The following PNKP variants were observed in gnomAD, a reference collection of about 807,000 sequenced individuals.
PNKP encodes bifunctional polynucleotide phosphatase/kinase.
Under a neutral mutation model 66.2 loss-of-function variants are expected in PNKP, and 82 were observed. The ratio of observed to expected loss-of-function variants is 1.24; its 90% CI spans 1.04 to 1.49. The LOEUF (loss-of-function observed/expected upper bound fraction) is 1.49. Among genes scored for constraint, PNKP ranks in the 40% most tolerant of loss-of-function variants. The pLI, the probability that PNKP is intolerant of heterozygous loss-of-function variation, is 0.00. For missense variants in PNKP, 907 were observed against 706.8 expected, an observed-to-expected ratio of 1.28 and a Z score of -3.21; for synonymous variants, 412 against 298.9, an observed-to-expected ratio of 1.38 and a Z score of -3.90.
At position 49,862,682 on chromosome 19, in the gene PNKP, G is replaced by A. The variant is rs1484626327; in HGVS notation, c.865+8C>T. 1 of 1,614,072 alleles carries A rather than the reference G, an allele frequency of 6.2e-7. No homozygotes were observed. ...CCAGCCCACCCTCAGCAGCCTCCAG[G>A]CCCTTACCTCCCACAAAGATGCTGT... On this transcript the variant is annotated splice_region_variant and intron_variant, in intron 9 of 16. Transcript: ENST00000322344.
chr19:49,866,971 TC>T, intron 2 of PNKP, 82 bp downstream of exon 2: 1 of 1,391,186 alleles, frequency 7.2e-7, no homozygotes, highest in Non-Finnish European at 1.0e-6. Context: ...ACCACTGCAA[TC>T]CCGCGTAGCA....
In PNKP at chr19:49,864,417, G is replaced by A. The variant is rs372737887; in HGVS notation, c.499-14C>T. The A allele has an allele frequency of 6.2e-6, 10 of 1,605,330 alleles. No individual in the cohort carries two copies. The African/African-American group carries it at 1.1e-4, about 17-fold the overall frequency. ...AAAGCCAGCCACCTGGTGTCACCAA[G>A]GAAAGACAAACAGCAGCACTGTGAT... On this transcript the variant is annotated splice_polypyrimidine_tract_variant and intron_variant, in intron 4 of 16. Coordinates refer to ENST00000322344, the MANE Select transcript of PNKP (RefSeq NM_007254.4).
At chr19:49,862,163 C>T (rs756988139) in intron 12 of PNKP, 22 bp downstream of exon 12, 3 of 1,613,438 alleles carry the variant, frequency 1.9e-6, no homozygotes, top group Admixed American at 3.3e-5. Flanking sequence ...TCAGGGCACG[C>T]GCACAGGAAC....
Position 49,861,216 on chromosome 19 carries a change from A to G in PNKP, c.*32T>C. On this transcript the variant is annotated 3_prime_UTR_variant, in exon 17 of 17. Transcript: ENST00000322344. ...ATGCCGGCCAAGCTCAAGGAGAAAC[A>G]GCGTTTATTGTGGAGGGGAGCTGGG... 1 of 1,423,946 alleles carries G rather than the reference A, an allele frequency of 7.0e-7. No homozygotes were observed. The highest frequency in any genetic ancestry group is 1.4e-5 in the African/African-American group (1 of 71,282). 88.2% of individuals were successfully genotyped at this position (1,423,946 alleles called of 1,614,324 possible).
At chr19:49,863,628 C>T in intron 8 of PNKP, 61 bp downstream of exon 8, 1 of 1,309,590 alleles carries the variant, frequency 7.6e-7, no homozygotes, top group Non-Finnish European at 1.1e-6. Context: ...GGCCGGGGAG[C>T]CCAGGAGTGA....
In PNKP at chr19:49,863,761, C is replaced by G; in HGVS notation, c.745-1G>C. Reference sequence around the variant, plus strand: ...AGCCTGCGTGCGTGGCCACCAGCACCTGTGGATGGGAGGGGGCCACCAGCT... The same window carrying G: ...AGCCTGCGTGCGTGGCCACCAGCACGTGTGGATGGGAGGGGGCCACCAGCT... On this transcript the variant is annotated splice_acceptor_variant, in intron 7 of 16. Coordinates refer to ENST00000322344, the MANE Select transcript of PNKP (RefSeq NM_007254.4). LOFTEE classifies it high-confidence loss of function. The G allele has an allele frequency of 6.4e-7, 1 of 1,558,454 alleles. No homozygotes were observed. The highest frequency in any genetic ancestry group is 8.7e-7 in the Non-Finnish European group (1 of 1,150,398).
chr19:49,862,306 G>A (rs746805831), intron 11 of PNKP, 25 bp from the exon 12 acceptor site: 17 of 1,550,448 alleles, frequency 1.1e-5, no homozygotes, highest in Non-Finnish European at 1.4e-5. Context: ...GGACACGCGT[G>A]AGATGCCGTC....
rs1203126761 is a variant in PNKP at position 49,863,296 on chromosome 19, G to A, written c.816+393C>T. ...TCAGAGGCCATCCCTGCCCACCACGGGTGATGCCTGCTTTCTCCAGCTCCC... is the reference window on the plus strand; with the variant it reads ...TCAGAGGCCATCCCTGCCCACCACGAGTGATGCCTGCTTTCTCCAGCTCCC... On this transcript the variant is annotated intron_variant, in intron 8 of 16. Coordinates refer to ENST00000322344, the MANE Select transcript of PNKP (RefSeq NM_007254.4). Among the ~76,000 whole-genome samples the A allele has an allele frequency of 1.7e-4, 26 of 152,102 alleles. 1 individual carries two copies. The highest frequency in any genetic ancestry group is 1.7e-3 in the Admixed American group (26 of 15,276).
rs368201882 is a variant in PNKP, at chr19:49,862,178, C to T, written c.1126+7G>A. 103 of 1,613,718 alleles carry T rather than the reference C, an allele frequency of 6.4e-5. No homozygotes were observed. The highest frequency in any genetic ancestry group is 8.4e-5 in the Non-Finnish European group (99 of 1,179,788). ...TCAGGGCACGCGCACAGGAACAGGA[C>T]ACTTACCCCCAGGGAATCCCACTGC... On this transcript the variant is annotated splice_region_variant and intron_variant, in intron 12 of 16. Transcript: ENST00000322344.
In PNKP at chr19:49,861,706, A is replaced by G. The variant is rs776421692; in HGVS notation, c.1299-11T>C. On this transcript the variant is annotated splice_polypyrimidine_tract_variant and intron_variant, in intron 14 of 16. Transcript: ENST00000322344. ...GCACACTGGACGTACCTGTGGGGGAAGGAGCTGGATGTGCAGGCCCCGCCC... is the reference window on the plus strand; with the variant it reads ...GCACACTGGACGTACCTGTGGGGGAGGGAGCTGGATGTGCAGGCCCCGCCC... 6.5e-6 allele frequency: 10 copies of G among 1,548,376 alleles called. No individual in the cohort carries two copies. In the South Asian group the frequency reaches 9.5e-5, roughly 15 times the overall value.
intron 8 of PNKP, 23 bp downstream of exon 8, chr19:49,863,666 G>C: frequency 1.3e-6 from 2 of 1,538,720 alleles, no homozygotes; most frequent in Non-Finnish European, 1.8e-6. Flanking sequence ...AAGGAGGGGG[G>C]CCGGGCAGGC....
In PNKP at chr19:49,863,420, C is replaced by T. The variant is rs3739192; in HGVS notation, c.816+269G>A. 5.2e-3 allele frequency among the ~76,000 whole-genome samples: 799 copies of T among 152,378 alleles called. 13 individuals carry two copies. The highest frequency in any genetic ancestry group is 0.042 in the East Asian group (217 of 5,182). ...GAGCAGGCCGTCCCGCTCACTGATA[C>T]CTTCAGCTCAAGAATGCGCTAAACT... On this transcript the variant is annotated intron_variant, in intron 8 of 16. Coordinates refer to ENST00000322344, the MANE Select transcript of PNKP (RefSeq NM_007254.4).
At position 49,862,585 on chromosome 19, in the gene PNKP, A is replaced by T. The variant is rs2074785039; in HGVS notation, c.889T>A (p.Trp297Arg). 6.2e-7 allele frequency: 1 copy of T among 1,613,432 alleles called. No homozygotes were observed. Among genetic ancestry groups the T allele is most frequent in the African/African-American group, 1.3e-5 (1 of 75,016 alleles). The change falls in exon 10 of 17, where the codon TGG (tryptophan) becomes AGG (arginine). Residue 297 changes from tryptophan (W) to arginine (R), a missense_variant. Trp to Arg is a moderately radical substitution (Grantham distance 101). Coordinates refer to ENST00000322344, the MANE Select transcript of PNKP (RefSeq NM_007254.4). ...TCTTTCTTCTTCCGCCCCGGGGCCC[A>T]GTTGGCCGGGCGTCCGGCTGCGTCT... The part of the protein sequence containing the change: ...VGDAAGRPAN[W>R]APGRKKKDFS...
chr19:49,863,924 T>C (rs760754801), intron 7 of PNKP, 40 bp downstream of exon 7: 3 of 1,528,108 alleles, frequency 2.0e-6, no homozygotes, highest in Non-Finnish European at 2.7e-6. Context: ...TCTGGATCTC[T>C]GTGCCCCCAC....
At position 49,862,550 on chromosome 19, in the gene PNKP, G is replaced by C. The variant is rs771622669; in HGVS notation, c.924C>G (p.Cys308Trp). The change falls in exon 10 of 17, where the codon TGC (cysteine) becomes TGG (tryptophan). Residue 308 changes from cysteine to tryptophan, a missense_variant. Transcript: ENST00000322344. ...APGRKKKDFS[C>W]ADRLFALNLG... ...GCAGGGGCCTCACCAGGCGATCGGC[G>C]CAGGAGAAGTCTTTCTTCTTCCGCC... 15 of 1,610,968 alleles carry C rather than the reference G, an allele frequency of 9.3e-6. No homozygotes were observed. Among genetic ancestry groups the C allele is most frequent in the Admixed American group, 1.7e-5 (1 of 59,642 alleles).
chr19:49,861,885 G>A lies in PNKP; in HGVS notation c.1189-4C>T, dbSNP rs1568659333. ...GCTGCCAGGAGCCTAGCGTGTCCTG[G>A]GGACACGAGAGGTCACAAACAGATC... On this transcript the variant is annotated splice_polypyrimidine_tract_variant and splice_region_variant and intron_variant, in intron 13 of 16. Transcript: ENST00000322344. 5 of 1,585,186 alleles carry A rather than the reference G, an allele frequency of 3.2e-6. No homozygotes were observed. Among genetic ancestry groups the A allele is most frequent in the Non-Finnish European group, 1.7e-6 (2 of 1,167,610 alleles).
At position 49,861,304 on chromosome 19, in the gene PNKP, G is replaced by C. The variant is rs148669160; in HGVS notation, c.1510C>G (p.Arg504Gly). ...GFSAILEIPF[R>G]LWVEPRLGRL... The stretch of plus-strand genomic sequence containing the variant: ...CCCAGCCTCGGCTCCACCCATAGCC[G>C]GAACGGGATCTCCAGGATGGCAGAG... Residue 504 changes from arginine to glycine, a missense_variant, in exon 17 of 17, where the codon CGG becomes GGG. Physicochemically the swap from Arg to Gly is moderately radical, Grantham distance 125. Transcript: ENST00000322344. 100 of 1,613,612 alleles carry C rather than the reference G, an allele frequency of 6.2e-5. No homozygotes were observed. The highest frequency in any genetic ancestry group is 8.2e-5 in the Non-Finnish European group (97 of 1,179,666).
At chr19:49,866,062 AAGT>A in intron 3 of PNKP, 2 of 393,054 alleles carry the variant, frequency 5.1e-6, no homozygotes, top group Non-Finnish European at 9.6e-6. Context: ...ACCCAGGCTG[AAGT>A]ACAGTGTGGT....
chr19:49,862,479 G>A lies in PNKP; in HGVS notation c.937-16C>T, dbSNP rs755267515. 1.1e-5 allele frequency: 17 copies of A among 1,594,170 alleles called. No homozygotes were observed. Among genetic ancestry groups the A allele is most frequent in the African/African-American group, 8.0e-5 (6 of 74,548 alleles). On this transcript the variant is annotated splice_polypyrimidine_tract_variant and intron_variant, in intron 10 of 16. Transcript: ENST00000322344. ...TGAGGGCAAACTAGGGGTTGAGGAC[G>A]AACATCAGACACAGGCCAGGGTCGG...
Sources: gnomAD v4.1 joint callset for allele counts (sites outside exome capture counted in the v4.1 genomes callset) on GRCh38, gnomAD v4.1.1 for gene constraint, MANE v1.5 for transcripts, NCBI Gene and HGNC (gene_info 2026-07-23, HGNC 2026-07-21) for gene names.